The following CCDC171 variants were observed in gnomAD, a reference collection of about 807,000 sequenced individuals.
CCDC171 encodes the protein coiled-coil domain containing 171.
Under a neutral mutation model 168.2 loss-of-function variants are expected in CCDC171, and 177 were observed. The ratio of observed to expected loss-of-function variants is 1.05; its 90% confidence interval spans 0.93 to 1.19. The LOEUF (loss-of-function observed/expected upper bound fraction) is 1.19, where lower values mean the gene tolerates loss of function less well. Among genes scored for constraint, CCDC171 ranks in the 50% most tolerant of loss-of-function variants. CCDC171 has a pLI of 0.00. For synonymous variants in CCDC171, 687 were observed against 540.8 expected (o/e 1.27, Z -3.75); for missense variants, 1,991 against 1,539.0 (o/e 1.29, Z -4.91).
At chr9:15,559,206 T>C (rs891989386) in intron 1 of CCDC171, among the ~76,000 whole-genome samples, 1 of 152,126 alleles carries the variant, frequency 6.6e-6, no homozygotes, top group African/African-American at 2.4e-5. Context: ...GAATGTATAT[T>C]CTGTTGATTT....
intron 3 of CCDC171, among the ~76,000 whole-genome samples, chr9:16,016,944 T>C (rs375261117): frequency 1.6e-4 from 25 of 152,306 alleles, no homozygotes; most frequent in African/African-American, 5.8e-4. Flanking sequence ...TACTTTTCTA[T>C]GCACCCAGCA....
At chr9:16,053,699 G>A (rs937896872) in intron 1 of CCDC171, among the ~76,000 whole-genome samples, 4 of 152,238 alleles carry the variant, frequency 2.6e-5, no homozygotes, top group African/African-American at 9.6e-5. Flanking sequence ...ACCAAAGGCT[G>A]CAGTGTGGGG....
At chr9:15,630,226 G>C (rs1456789866) in intron 7 of CCDC171, among the ~76,000 whole-genome samples, 3 of 152,156 alleles carry the variant, frequency 2.0e-5, no homozygotes, top group African/African-American at 2.4e-5. Context: ...AAAAGACACA[G>C]ACTGGCAAAT....
the CCDC171 span, among the ~76,000 whole-genome samples, chr9:16,077,413 G>C: frequency 6.6e-6 from 1 of 152,188 alleles, no homozygotes; most frequent in East Asian, 1.9e-4. Flanking sequence ...GCATGACCTT[G>C]CCATGACAGG....
intron 18 of CCDC171, among the ~76,000 whole-genome samples, chr9:15,776,718 G>A (rs907688625): frequency 2.6e-5 from 4 of 152,136 alleles, no homozygotes; most frequent in African/African-American, 9.7e-5. Flanking sequence ...CTCTTCAGTT[G>A]TTGAATTATA....
intron 25 of CCDC171, among the ~76,000 whole-genome samples, chr9:15,964,785 A>C (rs1254579681): frequency 6.6e-6 from 1 of 152,122 alleles, no homozygotes; most frequent in Non-Finnish European, 1.5e-5. Context: ...TTTGAGACAG[A>C]GTCTCACTCT....
At chr9:15,806,651 T>C (rs2059092087) in intron 21 of CCDC171, among the ~76,000 whole-genome samples, 1 of 152,126 alleles carries the variant, frequency 6.6e-6, no homozygotes. Flanking sequence ...TAGCTAACTT[T>C]AACATTCTTT....
intron 4 of CCDC171, among the ~76,000 whole-genome samples, chr9:15,581,539 G>A (rs276446): frequency 0.054 from 8,268 of 152,150 alleles, 261 homozygotes; most frequent in African/African-American, 0.088. Flanking sequence ...TATACTACAA[G>A]AATACAGTAA....
chr9:16,068,658 C>G, the CCDC171 span, among the ~76,000 whole-genome samples: 1 of 151,798 alleles, frequency 6.6e-6, no homozygotes, highest in African/African-American at 2.4e-5. Flanking sequence ...GAGAAGCAAA[C>G]GAGTGAATCT....
chr9:16,083,117 C>G, the CCDC171 span, among the ~76,000 whole-genome samples: 2 of 152,174 alleles, frequency 1.3e-5, no homozygotes, highest in Admixed American at 1.3e-4. Flanking sequence ...AGAATGACAA[C>G]TTAAAATCTG....
the CCDC171 span, among the ~76,000 whole-genome samples, chr9:16,094,048 G>C: frequency 6.6e-6 from 1 of 152,176 alleles, no homozygotes; most frequent in African/African-American, 2.4e-5. Context: ...CTAAGAGCAT[G>C]GACTCAGGCT....
In CCDC171 at chr9:15,648,713, G is replaced by A. The variant is rs1442896033; in HGVS notation, c.823-8414G>A. On this transcript the variant is annotated intron_variant, in intron 7 of 25. Coordinates refer to ENST00000380701, the MANE Select transcript of CCDC171 (RefSeq NM_173550.4). The stretch of plus-strand genomic sequence containing the variant: ...AAGGGATGTGAAAGACTTCTTCAAG[G>A]AGAACTACAAACCAGTGCTCAACAA... Among the ~76,000 whole-genome samples, 3 of 152,194 alleles carry A rather than the reference G, an allele frequency of 2.0e-5. No homozygotes were observed. In the South Asian group the frequency reaches 6.2e-4, roughly 32 times the overall value.
At chr9:16,018,265 C>T (rs1833080505) in intron 3 of CCDC171, among the ~76,000 whole-genome samples, 1 of 152,134 alleles carries the variant, frequency 6.6e-6, no homozygotes, top group South Asian at 2.1e-4. Context: ...TATATTATTT[C>T]TAAGAAGCAT....
rs71325929 is a variant in CCDC171, at chr9:15,677,879, CATATATATATATATAT to C, written c.1077-847_1077-832del. Among the ~76,000 whole-genome samples the C allele has an allele frequency of 2.4e-4, 3 of 12,480 alleles. 1 individual carries two copies. The highest frequency in any genetic ancestry group is 6.8e-4 in the African/African-American group (3 of 4,384). 8.2% of individuals were successfully genotyped at this position (12,480 alleles called of 152,430 possible). On this transcript the variant is annotated intron_variant, in intron 9 of 25. Coordinates refer to ENST00000380701, the MANE Select transcript of CCDC171 (RefSeq NM_173550.4). ...TGTATATATATATGTGTGTGTGTGT[CATATATATATATATAT>C]ATATATATATATATATATATATATA...
intron 3 of CCDC171, among the ~76,000 whole-genome samples, chr9:15,979,434 G>A (rs1395336274): frequency 6.6e-6 from 1 of 152,110 alleles, no homozygotes; most frequent in African/African-American, 2.4e-5. Flanking sequence ...TTTCATAGAT[G>A]CCCTTTATCA....
intron 3 of CCDC171, among the ~76,000 whole-genome samples, chr9:15,578,378 G>A (rs559387344): frequency 1.3e-4 from 20 of 149,566 alleles, no homozygotes; most frequent in African/African-American, 4.6e-4. Flanking sequence ...GAGACTACAG[G>A]TGCACACCAC....
At chr9:15,888,091 A>G (rs1020931764) in intron 24 of CCDC171, 2 of 152,370 alleles carry the variant, frequency 1.3e-5, no homozygotes, top group African/African-American at 4.8e-5. Context: ...TTTTCCAGGT[A>G]GAAACACTTA....
At chr9:15,803,347 A>C (rs1206493600) in intron 21 of CCDC171, among the ~76,000 whole-genome samples, 1 of 151,616 alleles carries the variant, frequency 6.6e-6, no homozygotes, top group Non-Finnish European at 1.5e-5. Flanking sequence ...CTATGTCCTG[A>C]ATGGTATTGC....
At chr9:16,042,673 T>C (rs1269526312), upstream of CCDC171, 1 of 152,202 alleles carries the variant, frequency 6.6e-6, no homozygotes, top group Non-Finnish European at 1.5e-5. Flanking sequence ...CTAGCAATGA[T>C]ATGGGGACCT....
Sources: allele counts gnomAD v4.1 joint callset (sites outside exome capture counted in the v4.1 genomes callset), GRCh38; gene constraint gnomAD v4.1.1; transcripts MANE v1.5; gene names NCBI Gene and HGNC (gene_info 2026-07-23, HGNC 2026-07-21).